Variants in DTNBP1 observed in about 807,000 individuals in gnomAD.
The protein encoded by DTNBP1 is dysbindin.
Under a neutral mutation model 42.8 loss-of-function variants are expected in DTNBP1, and 35 were observed. The ratio of observed to expected loss-of-function variants is 0.82; its 90% CI spans 0.63 to 1.09. The LOEUF (loss-of-function observed/expected upper bound fraction) is 1.09. Ranked by LOEUF, DTNBP1 falls within the 50% of genes least tolerant of loss-of-function variation. The pLI, the probability that DTNBP1 is intolerant of heterozygous loss-of-function variation, is 0.00. For missense variants in DTNBP1, 457 were observed against 424.2 expected (o/e 1.08, Z -0.68); for synonymous variants, 171 against 162.2 (o/e 1.05, Z -0.41).
chr6:15,543,590 A>G lies in DTNBP1; in HGVS notation c.512-10195T>C, dbSNP rs749563293. Among the ~76,000 whole-genome samples the G allele has an allele frequency of 2.4e-4, 36 of 152,342 alleles. 2 individuals are homozygous for G. In the Middle Eastern group the frequency reaches 0.02, roughly 86 times the overall value. ...AGAAGGAGAAAAATTGTTAAGTACAATAAGTTCTGAGTTCTTCTTCAAAGA... is the reference window on the plus strand; with the variant it reads ...AGAAGGAGAAAAATTGTTAAGTACAGTAAGTTCTGAGTTCTTCTTCAAAGA... On this transcript the variant is annotated intron_variant, in intron 7 of 9. Transcript: ENST00000344537.
chr6:15,593,113 T>C (rs566763023), intron 6 of DTNBP1, 32 bp from the exon 7 acceptor site: 30 of 1,537,814 alleles, frequency 2.0e-5, no homozygotes, highest in Non-Finnish European at 2.3e-5. Context: ...GACAAGACAA[T>C]GCAAATTAAA....
intron 4 of DTNBP1, among the ~76,000 whole-genome samples, chr6:15,628,936 G>C (rs1254797243): frequency 6.6e-6 from 1 of 152,140 alleles, no homozygotes; most frequent in Admixed American, 6.5e-5. Context: ...GCCCACGCTG[G>C]AGGGATAAAC....
At chr6:15,615,468 TC>T (rs1451239633) in intron 5 of DTNBP1, 69 bp from the exon 6 acceptor site, 1 of 1,586,104 alleles carries the variant, frequency 6.3e-7, no homozygotes, top group African/African-American at 1.3e-5. Context: ...ACAAAAAGTA[TC>T]AAAAAGGTAA....
At chr6:15,588,886 G>A (rs1205545956) in intron 7 of DTNBP1, among the ~76,000 whole-genome samples, 1 of 152,120 alleles carries the variant, frequency 6.6e-6, no homozygotes, top group African/African-American at 2.4e-5. Flanking sequence ...ACCTCTCTCT[G>A]GTTAATTACT....
At chr6:15,651,531 T>C (rs1443093844) in intron 2 of DTNBP1, 168 bp from the exon 3 acceptor site, 7 of 854,214 alleles carry the variant, frequency 8.2e-6, no homozygotes, top group African/African-American at 1.7e-5. Flanking sequence ...GTTAATGTAC[T>C]GTATGTAACA....
rs1471375856 is a variant in DTNBP1 at position 15,576,353 on chromosome 6, G to A, written c.511+16706C>T. On this transcript the variant is annotated intron_variant, in intron 7 of 9. Transcript: ENST00000344537. ...GGCCAGGCTGGTCTCAAACTCCTGA[G>A]CTCAGGTGATCCGCCCGCTGTGGCC... Among the ~76,000 whole-genome samples, 5 of 151,978 alleles carry A rather than the reference G, an allele frequency of 3.3e-5. No homozygotes were observed. The South Asian group carries it at 1.0e-3, about 31-fold the overall frequency.
At chr6:15,647,016 T>C (rs10949307) in intron 3 of DTNBP1, among the ~76,000 whole-genome samples, 22,486 of 144,708 alleles carry the variant, frequency 0.16, 1,867 homozygotes, top group East Asian at 0.3. Context: ...AAATGGGACT[T>C]AAACTAAAGA....
intron 7 of DTNBP1, among the ~76,000 whole-genome samples, chr6:15,579,071 G>C (rs904889035): frequency 2.6e-5 from 4 of 152,190 alleles, no homozygotes; most frequent in African/African-American, 9.7e-5. Context: ...AAGAAAATCA[G>C]TATTTTGATT....
chr6:15,616,000 T>C (rs1728084190), intron 5 of DTNBP1, among the ~76,000 whole-genome samples: 1 of 152,248 alleles, frequency 6.6e-6, no homozygotes, highest in African/African-American at 2.4e-5. Flanking sequence ...TCCACTCTGC[T>C]GCTAGGCCAC....
chr6:15,558,620 T>A (rs1774660111), intron 7 of DTNBP1, among the ~76,000 whole-genome samples: 1 of 152,144 alleles, frequency 6.6e-6, no homozygotes, highest in South Asian at 2.1e-4. Flanking sequence ...AGTATGCCAA[T>A]AAAATAGGAA....
Sources: gnomAD v4.1 joint callset for allele counts (sites outside exome capture counted in the v4.1 genomes callset) on GRCh38, gnomAD v4.1.1 for gene constraint, MANE v1.5 for transcripts, NCBI Gene and HGNC (gene_info 2026-07-23, HGNC 2026-07-21) for gene names.